TELO2: variants seen among roughly 807,000 people sequenced by gnomAD.
TELO2 encodes the protein telomere length regulation protein TEL2 homolog.
Under a neutral mutation model 91.0 loss-of-function variants are expected in TELO2, and 71 were observed. That is an observed-to-expected ratio of 0.78 (90% CI 0.64 to 0.95). The LOEUF (loss-of-function observed/expected upper bound fraction) is 0.95. TELO2 is among the 40% of genes least tolerant of loss of function. The pLI is 0.00. For synonymous variants in TELO2, 584 were observed against 518.9 expected (o/e 1.13, Z -1.71); for missense variants, 1,183 against 1,141.3 (o/e 1.04, Z -0.53).
At chr16:1,508,555 G>A (rs898600800) in intron 20 of TELO2, among the ~76,000 whole-genome samples, 3 of 152,230 alleles carry the variant, frequency 2.0e-5, no homozygotes, top group East Asian at 3.9e-4. Context: ...CGGGTGATAC[G>A]GGTCCTTCCC....
Position 1,497,387 on chromosome 16 carries a change from C to G in TELO2, c.709C>G (p.Arg237Gly), listed in dbSNP as rs1389149572. 6.5e-7 allele frequency: 1 copy of G among 1,549,444 alleles called. No homozygotes were observed. The highest frequency in any genetic ancestry group is 8.7e-7 in the Non-Finnish European group (1 of 1,146,708). ...GGAGATCCTGGGCGTGCTGGTACCCCGGCTGGCAGCGCTCACCCAGGGCAG... is the reference window on the plus strand; with the variant it reads ...GGAGATCCTGGGCGTGCTGGTACCCGGGCTGGCAGCGCTCACCCAGGGCAG... ...QQEILGVLVPRLAALTQGSYL... is the reference protein window; with the variant it reads ...QQEILGVLVPGLAALTQGSYL... The change falls in exon 5 of 21, where the codon CGG (arginine) becomes GGG (glycine). Residue 237 changes from arginine (R) to glycine (G), a missense_variant. Coordinates refer to ENST00000262319, the MANE Select transcript of TELO2 (RefSeq NM_016111.4). This position sits in a 1 kb window ranked among gnomAD's most constrained non-coding sequence, Gnocchi z 4.0.
chr16:1,508,458 G>C (rs1353721377), intron 20 of TELO2, among the ~76,000 whole-genome samples: 1 of 152,216 alleles, frequency 6.6e-6, no homozygotes. Context: ...TTGTTTGCTG[G>C]CCTTTGTGGT....
In TELO2 at chr16:1,497,549, G is replaced by T; in HGVS notation, c.830+41G>T. On this transcript the variant is annotated intron_variant, in intron 5 of 20. Transcript: ENST00000262319. The surrounding 1 kb of genome is among the most constrained non-coding windows in gnomAD (Gnocchi z 4.0). The stretch of plus-strand genomic sequence containing the variant: ...GTCCTCCAGCTGCACTGGCTTCTGG[G>T]GTCTGGACCCCCAGAGGCTGCCATT... 1 of 1,513,650 alleles carries T rather than the reference G, an allele frequency of 6.6e-7. No individual in the cohort carries two copies. The highest frequency in any genetic ancestry group is 1.2e-5 in the South Asian group (1 of 82,020). The allele number at this position is 1,513,650 out of a possible 1,614,324, so 93.8% of individuals were successfully genotyped here.
chr16:1,507,506 C>A (rs2039940137), intron 19 of TELO2, 95 bp from the exon 20 acceptor site: 2 of 1,481,674 alleles, frequency 1.3e-6, no homozygotes, highest in South Asian at 2.4e-5. Flanking sequence ...GTGTGCCAGG[C>A]AGGGCCGCAG....
chr16:1,506,471 T>C, intron 17 of TELO2, 142 bp downstream of exon 17: 7 of 1,525,544 alleles, frequency 4.6e-6, no homozygotes, highest in Non-Finnish European at 6.2e-6. Flanking sequence ...TGTAAGCCTG[T>C]GTTAAATGGC....
chr16:1,495,423 A>G lies in TELO2; in HGVS notation c.413A>G (p.Glu138Gly). 2 of 1,596,882 alleles carry G rather than the reference A, an allele frequency of 1.3e-6. No individual in the cohort carries two copies. Among genetic ancestry groups the G allele is most frequent in the Non-Finnish European group, 1.7e-6 (2 of 1,172,814 alleles). Residue 138 changes from glutamate (E) to glycine (G), a missense_variant, in exon 3 of 21, where the codon GAG becomes GGG. By Grantham distance (98) the Glu-to-Gly change is moderately conservative. Coordinates refer to ENST00000262319, the MANE Select transcript of TELO2 (RefSeq NM_016111.4). ...LREGRLAVLMEAQCRQQTQPG... is the reference protein window; with the variant it reads ...LREGRLAVLMGAQCRQQTQPG... ...GAGGGCCGGCTGGCAGTGCTGATGG[A>G]GGCGCAGTGTCGGCAGCAGACGCAG...
Position 1,497,182 on chromosome 16 carries a change from C to A in TELO2, c.682+78C>A. 2 of 1,573,462 alleles carry A rather than the reference C, an allele frequency of 1.3e-6. No individual in the cohort carries two copies. The highest frequency in any genetic ancestry group is 1.1e-5 in the South Asian group (1 of 88,308). On this transcript the variant is annotated intron_variant, in intron 4 of 20. Transcript: ENST00000262319. This position sits in a 1 kb window ranked among gnomAD's most constrained non-coding sequence, Gnocchi z 4.0. ...CAGCCTTCTGCAGAAGGCCGAGAAT[C>A]CCTCCTGACCCTGGCCCTCTGCAGG...
At chr16:1,503,123 C>A in intron 15 of TELO2, 121 bp downstream of exon 15, 1 of 1,095,316 alleles carries the variant, frequency 9.1e-7, no homozygotes, top group South Asian at 1.3e-5. Flanking sequence ...TGTCCACTGC[C>A]TTCGTGAGTG....
rs925161988 is a variant in TELO2, at chr16:1,494,695, C to T, written c.335+79C>T. The T allele has an allele frequency of 3.7e-5, 52 of 1,400,716 alleles. No homozygotes were observed. Among genetic ancestry groups the T allele is most frequent in the Non-Finnish European group, 3.0e-5 (31 of 1,043,206 alleles). 86.8% of individuals were successfully genotyped at this position (1,400,716 alleles called of 1,614,324 possible). ...GTGGCTTGAAGGACTGGACCAAGAG[C>T]CTCTCTAGTCCCTGTGAGGGGCTAG... On this transcript the variant is annotated intron_variant, in intron 2 of 20. Coordinates refer to ENST00000262319, the MANE Select transcript of TELO2 (RefSeq NM_016111.4). This position sits in a 1 kb window ranked among gnomAD's most constrained non-coding sequence, Gnocchi z 5.6.
chr16:1,499,793 G>C (rs913621903), intron 6 of TELO2, among the ~76,000 whole-genome samples: 1 of 152,248 alleles, frequency 6.6e-6, no homozygotes, highest in African/African-American at 2.4e-5. Flanking sequence ...TTGCTCACAC[G>C]AGAACTTAAG....
rs200293618 is a variant in TELO2 at position 1,500,473 on chromosome 16, C to T, written c.1129C>T (p.Arg377Trp). 232 of 1,610,504 alleles carry T rather than the reference C, an allele frequency of 1.4e-4. No homozygotes were observed. The highest frequency in any genetic ancestry group is 1.8e-4 in the Non-Finnish European group (216 of 1,179,192). Reference protein sequence around the residue: ...CLAQLGEPELRDSRDELLASM... With the variant: ...CLAQLGEPELWDSRDELLASM... The stretch of plus-strand genomic sequence containing the variant: ...GGCGCAACTCGGGGAGCCGGAACTG[C>T]GGGACAGCCGGGATGGTGAGCGGGT... Residue 377 changes from arginine (R) to tryptophan (W), a missense_variant, in exon 8 of 21, where the codon CGG (arginine) becomes TGG (tryptophan). Transcript: ENST00000262319.
chr16:1,507,079 G>C, intron 18 of TELO2, 28 bp downstream of exon 18: 2 of 1,576,096 alleles, frequency 1.3e-6, no homozygotes, highest in South Asian at 1.1e-5. Context: ...GCCGGGCGCC[G>C]GCCTGTGCTA....
chr16:1,495,535 C>G lies in TELO2; in HGVS notation c.525C>G (p.Asn175Lys). Residue 175 changes from asparagine (N) to lysine (K), a missense_variant, in exon 3 of 21, where the codon AAC becomes AAG. Coordinates refer to ENST00000262319, the MANE Select transcript of TELO2 (RefSeq NM_016111.4). Reference protein sequence around the residue: ...DHLGNRLQQENLAEFFPQNYF... With the variant: ...DHLGNRLQQEKLAEFFPQNYF... ...TGGGCAACCGCCTGCAGCAGGAGAA[C>G]TTGGCCGAGTTCTTCCCCCAGAACT... is the stretch of plus-strand genomic sequence containing the variant. The G allele has an allele frequency of 6.2e-7, 1 of 1,611,850 alleles. No homozygotes were observed. Among genetic ancestry groups the G allele is most frequent in the South Asian group, 1.1e-5 (1 of 91,084 alleles).
chr16:1,495,962 C>T (rs1490766526), intron 3 of TELO2, among the ~76,000 whole-genome samples: 1 of 152,200 alleles, frequency 6.6e-6, no homozygotes, highest in Non-Finnish European at 1.5e-5. Context: ...TGGGAACGGC[C>T]TTGCCCGCTG....
At chr16:1,496,320 G>T (rs1456477959) in intron 3 of TELO2, among the ~76,000 whole-genome samples, 1 of 152,196 alleles carries the variant, frequency 6.6e-6, no homozygotes, top group Non-Finnish European at 1.5e-5. Flanking sequence ...GGCCCCTCGA[G>T]TCCCTGCGTG....
At chr16:1,495,746 G>A (rs968854994) in intron 3 of TELO2, 123 bp downstream of exon 3, 1 of 1,359,412 alleles carries the variant, frequency 7.4e-7, no homozygotes, top group African/African-American at 1.5e-5. Context: ...CGTCAGGCAG[G>A]TGGGGATGTC....
chr16:1,502,647 G>T lies in TELO2; in HGVS notation c.1656G>T (p.Val552=). 6.2e-7 allele frequency: 1 copy of T among 1,611,216 alleles called. No individual in the cohort carries two copies. The change falls in exon 14 of 21, where the codon GTG becomes GTT. Residue 552 remains valine, a splice_region_variant and synonymous_variant. Coordinates refer to ENST00000262319, the MANE Select transcript of TELO2 (RefSeq NM_016111.4). ...VYRSPTATRE[V]SVELAKVLLH... is the part of the protein sequence containing the mutation. ...CCAGCCCTAACCCCTGCGTGCAGGT[G>T]AGCGTGGAGCTGGCCAAGGTGCTTC... is the stretch of plus-strand genomic sequence containing the variant.
chr16:1,509,988 G>A lies in TELO2; in HGVS notation c.*52G>A. 2.7e-6 allele frequency: 4 copies of A among 1,492,188 alleles called. No individual in the cohort carries two copies. The highest frequency in any genetic ancestry group is 1.2e-5 in the South Asian group (1 of 83,224). 92.4% of individuals were successfully genotyped at this position (1,492,188 alleles called of 1,614,324 possible). ...CTCGCCGACAGCAAGGCAGGCGGCTGAGCAGCGGCCTGGAGCAGCAGAGCC... is the reference window on the plus strand; with the variant it reads ...CTCGCCGACAGCAAGGCAGGCGGCTAAGCAGCGGCCTGGAGCAGCAGAGCC... On this transcript the variant is annotated 3_prime_UTR_variant, in exon 21 of 21. Transcript: ENST00000262319.
rs1466746383 is a variant in TELO2, at chr16:1,510,140, C to T, written c.*204C>T. The T allele has an allele frequency of 8.7e-6, 5 of 571,526 alleles. No homozygotes were observed. The Admixed American group carries it at 1.5e-4, about 17-fold the overall frequency. The allele number at this position is 571,526 out of a possible 1,614,324, so 35.4% of individuals were successfully genotyped here. Reference sequence around the variant, plus strand: ...AAAATACACTGGGCCTGGGCACTGCCCGCCGGGACATGGCAGCCTGGACGT... The same window carrying T: ...AAAATACACTGGGCCTGGGCACTGCTCGCCGGGACATGGCAGCCTGGACGT... On this transcript the variant is annotated 3_prime_UTR_variant, in exon 21 of 21. Transcript: ENST00000262319.
Sources: gnomAD v4.1 joint callset for allele counts (sites outside exome capture counted in the v4.1 genomes callset) on GRCh38, gnomAD v4.1.1 for gene constraint, Gnocchi (gnomAD v3.1) non-coding constraint, MANE v1.5 for transcripts, NCBI Gene and HGNC (gene_info 2026-07-23, HGNC 2026-07-21) for gene names.